RRAS2: variants seen among roughly 807,000 people sequenced by gnomAD.
The protein encoded by RRAS2 is ras-related protein R-Ras2.
Under a neutral mutation model 27.6 loss-of-function variants are expected in RRAS2, and 7 were observed. That is an observed-to-expected ratio of 0.25 (90% CI 0.14 to 0.48). RRAS2 has a LOEUF of 0.48. Ranked by LOEUF, RRAS2 falls within the 20% of genes least tolerant of loss-of-function variation. The probability of loss-of-function intolerance (pLI) is 0.99; values close to 1 mark genes in which losing one functional copy is unlikely to be tolerated. For synonymous variants in RRAS2, 86 were observed against 90.9 expected (o/e 0.95, Z 0.31); for missense variants, 178 against 256.2 (o/e 0.69, Z 2.08).
Position 14,310,740 on chromosome 11 carries a change from G to A in RRAS2, c.109-14885C>T, listed in dbSNP as rs552249418. On this transcript the variant is annotated intron_variant, in intron 1 of 5. Coordinates refer to ENST00000256196, the MANE Select transcript of RRAS2 (RefSeq NM_012250.6). ...TAATAATAATTACATCAGGACAACA[G>A]GCATAAACCAGGACTTTCCTAGGCA... is the stretch of plus-strand genomic sequence containing the variant. Among the ~76,000 whole-genome samples the A allele has an allele frequency of 2.6e-5, 4 of 152,244 alleles. No individual in the cohort carries two copies. In the South Asian group the frequency reaches 8.3e-4, roughly 32 times the overall value.
At chr11:14,354,915 G>A (rs1199627651) in intron 1 of RRAS2, among the ~76,000 whole-genome samples, 3 of 152,000 alleles carry the variant, frequency 2.0e-5, no homozygotes, top group Admixed American at 6.6e-5. Context: ...GACCTCAAGT[G>A]ATCCACCCAC....
intron 4 of RRAS2, 144 bp downstream of exon 4, chr11:14,294,327 T>A: frequency 2.2e-6 from 1 of 458,752 alleles, no homozygotes; most frequent in Non-Finnish European, 3.9e-6. Flanking sequence ...GTAAATACAG[T>A]GTGCCAGACT....
At chr11:14,345,925 G>T (rs1016965992) in intron 1 of RRAS2, among the ~76,000 whole-genome samples, 1 of 152,042 alleles carries the variant, frequency 6.6e-6, no homozygotes, top group Non-Finnish European at 1.5e-5. Context: ...ATAGCTATGA[G>T]CAACTCTTCA....
At chr11:14,341,327 T>C (rs1848701677) in intron 1 of RRAS2, among the ~76,000 whole-genome samples, 1 of 152,216 alleles carries the variant, frequency 6.6e-6, no homozygotes, top group Non-Finnish European at 1.5e-5. Flanking sequence ...CTACAAATAG[T>C]GTTATGAATT....
chr11:14,302,800 G>A (rs1350570583), intron 1 of RRAS2, among the ~76,000 whole-genome samples: 1 of 152,146 alleles, frequency 6.6e-6, no homozygotes, highest in African/African-American at 2.4e-5. Flanking sequence ...GGTGTGTGGG[G>A]CTGCCTAGGG....
At chr11:14,342,960 T>C (rs1591485267) in intron 1 of RRAS2, among the ~76,000 whole-genome samples, 4 of 152,334 alleles carry the variant, frequency 2.6e-5, no homozygotes, top group African/African-American at 9.6e-5. Flanking sequence ...CACTAATTAC[T>C]AGATCCATTT....
At chr11:14,291,176 T>A (rs1212163592) in intron 4 of RRAS2, among the ~76,000 whole-genome samples, 1 of 152,160 alleles carries the variant, frequency 6.6e-6, no homozygotes, top group Non-Finnish European at 1.5e-5. Flanking sequence ...ATACACATTA[T>A]CAGCTGAGAG....
At chr11:14,334,708 A>C (rs1032198839) in intron 1 of RRAS2, among the ~76,000 whole-genome samples, 4 of 152,192 alleles carry the variant, frequency 2.6e-5, no homozygotes, top group African/African-American at 9.6e-5. Flanking sequence ...TTAAAAAAAA[A>C]AAGTATATTA....
chr11:14,306,519 T>C (rs1234444869), intron 1 of RRAS2, among the ~76,000 whole-genome samples: 1 of 152,160 alleles, frequency 6.6e-6, no homozygotes, highest in African/African-American at 2.4e-5. Context: ...CTTCCTGCCA[T>C]AAGTGAGTAC....
chr11:14,348,990 G>C (rs912556115), intron 1 of RRAS2, among the ~76,000 whole-genome samples: 1 of 152,144 alleles, frequency 6.6e-6, no homozygotes, highest in Non-Finnish European at 1.5e-5. Context: ...TTTTGAGATA[G>C]AGTCTCGCTC....
intron 1 of RRAS2, among the ~76,000 whole-genome samples, chr11:14,336,228 G>A (rs1247325747): frequency 1.3e-5 from 2 of 152,122 alleles, no homozygotes; most frequent in East Asian, 3.8e-4. Flanking sequence ...TCACCTCACA[G>A]TAACAAGGCA....
intron 1 of RRAS2, among the ~76,000 whole-genome samples, chr11:14,311,305 C>A (rs2133983557): frequency 1.3e-5 from 2 of 152,302 alleles, no homozygotes. Flanking sequence ...CATCATCAGA[C>A]CACTGCACTC....
intron 1 of RRAS2, among the ~76,000 whole-genome samples, chr11:14,313,160 C>G (rs889985150): frequency 3.9e-5 from 6 of 152,118 alleles, no homozygotes; most frequent in African/African-American, 7.2e-5. Context: ...TATAAAAATA[C>G]CCAAGTACGT....
At chr11:14,283,016 T>C (rs1027162659) in intron 4 of RRAS2, among the ~76,000 whole-genome samples, 2 of 152,222 alleles carry the variant, frequency 1.3e-5, no homozygotes, top group African/African-American at 2.4e-5. Context: ...GAAACAAAGC[T>C]AGTTTTTCAA....
chr11:14,282,453 A>G (rs1334881222), intron 4 of RRAS2, among the ~76,000 whole-genome samples: 2 of 152,226 alleles, frequency 1.3e-5, no homozygotes, highest in East Asian at 3.8e-4. Context: ...GGCAGGTCAG[A>G]ATAAGAAAAC....
At chr11:14,329,098 C>CAT (rs1400352828) in intron 1 of RRAS2, among the ~76,000 whole-genome samples, 3 of 137,326 alleles carry the variant, frequency 2.2e-5, no homozygotes, top group African/African-American at 5.1e-5. Context: ...CACACACACA[C>CAT]GCATATACAT....
chr11:14,331,025 T>C (rs1223893196), intron 1 of RRAS2, among the ~76,000 whole-genome samples: 1 of 152,218 alleles, frequency 6.6e-6, no homozygotes, highest in Non-Finnish European at 1.5e-5. Flanking sequence ...CAAGCAATCC[T>C]GCTGCCTGAG....
chr11:14,357,019 C>A (rs1458303231), intron 1 of RRAS2, among the ~76,000 whole-genome samples: 1 of 151,942 alleles, frequency 6.6e-6, no homozygotes, highest in African/African-American at 2.4e-5. Flanking sequence ...AACTCCTGAC[C>A]TCGTGATTCA....
At chr11:14,299,780 G>T (rs1752017694) in intron 1 of RRAS2, among the ~76,000 whole-genome samples, 1 of 152,170 alleles carries the variant, frequency 6.6e-6, no homozygotes, top group South Asian at 2.1e-4. Context: ...ATTACTGGGG[G>T]CAAGAGAAGG....
Sources: gnomAD v4.1 joint callset for allele counts (sites outside exome capture counted in the v4.1 genomes callset) on GRCh38, gnomAD v4.1.1 for gene constraint, MANE v1.5 for transcripts, NCBI Gene and HGNC (gene_info 2026-07-23, HGNC 2026-07-21) for gene names.